The following SLC5A1 variants were observed in gnomAD, a reference collection of about 807,000 sequenced individuals.
The protein encoded by SLC5A1 is sodium/glucose cotransporter 1.
Under a neutral mutation model 73.5 loss-of-function variants are expected in SLC5A1, and 42 were observed. The ratio of observed to expected loss-of-function variants is 0.57; its 90% CI spans 0.45 to 0.74. The LOEUF is 0.74. Among genes scored for constraint, SLC5A1 ranks in the 30% least tolerant of loss-of-function variants. The pLI, the probability that SLC5A1 is intolerant of heterozygous loss-of-function variation, is 0.00. For missense variants in SLC5A1, 634 were observed against 855.4 expected, an observed-to-expected ratio of 0.74 and a Z score of 3.23; for synonymous variants, 300 against 317.4, an observed-to-expected ratio of 0.95 and a Z score of 0.58.
chr22:32,063,197 T>TG (rs936926821), intron 2 of SLC5A1, among the ~76,000 whole-genome samples: 4 of 152,278 alleles, frequency 2.6e-5, no homozygotes, highest in Admixed American at 6.5e-5. Flanking sequence ...CCTTGGGGGT[T>TG]GGGGCTTTAA....
intron 10 of SLC5A1, among the ~76,000 whole-genome samples, chr22:32,090,324 C>T (rs1007943872): frequency 2.0e-5 from 3 of 152,106 alleles, no homozygotes; most frequent in Non-Finnish European, 4.4e-5. Flanking sequence ...CCTCCCAGTC[C>T]CTGGCAACCA....
chr22:32,093,985 T>C (rs2094022356), intron 11 of SLC5A1, among the ~76,000 whole-genome samples: 1 of 132,674 alleles, frequency 7.5e-6, no homozygotes, highest in Non-Finnish European at 1.6e-5. Flanking sequence ...GGGTCTGTCA[T>C]AGATGGCTTT....
intron 13 of SLC5A1, among the ~76,000 whole-genome samples, chr22:32,104,161 C>T (rs1162438767): frequency 6.6e-6 from 1 of 152,206 alleles, no homozygotes; most frequent in Non-Finnish European, 1.5e-5. Flanking sequence ...AACTGAATCA[C>T]ATCTATTTGC....
chr22:32,098,652 T>C (rs1050693836), intron 11 of SLC5A1, among the ~76,000 whole-genome samples: 1 of 152,230 alleles, frequency 6.6e-6, no homozygotes, highest in Middle Eastern at 3.2e-3. Flanking sequence ...TAGGCATGAA[T>C]GACTTTCCTA....
At chr22:32,104,990 A>G in intron 14 of SLC5A1, 99 bp downstream of exon 14, 1 of 871,514 alleles carries the variant, frequency 1.1e-6, no homozygotes, top group Non-Finnish European at 1.9e-6. Context: ...ATCAGAGCTC[A>G]GATGTCTCCC....
intron 1 of SLC5A1, among the ~76,000 whole-genome samples, chr22:32,049,225 CTATATA>C (rs200743087): frequency 0.03 from 2,546 of 84,226 alleles, 40 homozygotes; most frequent in Non-Finnish European, 0.047. Context: ...ATATCTATAT[CTATATA>C]TATGATGATT....
chr22:32,047,797 C>T (rs1295046934), intron 1 of SLC5A1, among the ~76,000 whole-genome samples: 2 of 152,198 alleles, frequency 1.3e-5, no homozygotes, highest in Non-Finnish European at 2.9e-5. Context: ...ATGTCACCAT[C>T]AGGAGTTAAT....
chr22:32,100,225 A>G (rs1257132979), intron 12 of SLC5A1, among the ~76,000 whole-genome samples: 1 of 152,220 alleles, frequency 6.6e-6, no homozygotes. Flanking sequence ...TTTCATTAAC[A>G]GTGATCCCTT....
intron 14 of SLC5A1, 67 bp from the exon 15 acceptor site, chr22:32,109,923 C>T (rs1412960816): frequency 2.3e-4 from 282 of 1,232,262 alleles, no homozygotes; most frequent in African/African-American, 2.9e-5. Context: ...GGTGTGGCTT[C>T]TCCCCTGAAA....
chr22:32,096,889 C>T lies in SLC5A1; in HGVS notation c.1281-2294C>T, dbSNP rs530501991. Reference sequence around the variant, plus strand: ...CAAGATTGGAATGAACGAAGCAAAGCAAACATGGTAGGCCACTTTCAATTG... The same window carrying T: ...CAAGATTGGAATGAACGAAGCAAAGTAAACATGGTAGGCCACTTTCAATTG... On this transcript the variant is annotated intron_variant, in intron 11 of 14. Coordinates refer to ENST00000266088, the MANE Select transcript of SLC5A1 (RefSeq NM_000343.4). Among the ~76,000 whole-genome samples, 3 of 152,282 alleles carry T rather than the reference C, an allele frequency of 2.0e-5. No homozygotes were observed. In the South Asian group the frequency reaches 6.2e-4, roughly 32 times the overall value.
intron 11 of SLC5A1, 134 bp downstream of exon 11, chr22:32,091,896 C>T: frequency 1.3e-6 from 1 of 775,066 alleles, no homozygotes; most frequent in Non-Finnish European, 2.2e-6. Context: ...GTTATATGTG[C>T]CATTTGGTGG....
chr22:32,052,271 CA>C (rs1395076866), intron 2 of SLC5A1, among the ~76,000 whole-genome samples: 1 of 152,170 alleles, frequency 6.6e-6, no homozygotes, highest in Non-Finnish European at 1.5e-5. Flanking sequence ...TGGGGCCGAC[CA>C]GAGACCCTGA....
rs370767442 is a variant in SLC5A1, at chr22:32,096,217, G to A, written c.1281-2966G>A. 1.6e-4 allele frequency among the ~76,000 whole-genome samples: 24 copies of A among 152,272 alleles called. 1 individual carries two copies. Among genetic ancestry groups the A allele is most frequent in the East Asian group, 5.8e-4 (3 of 5,190 alleles). ...ATTTTTTTCTAGATCCTACAGTGGC[G>A]TTTAACTTTAAATTGGAGATCATTG... On this transcript the variant is annotated intron_variant, in intron 11 of 14. Coordinates refer to ENST00000266088, the MANE Select transcript of SLC5A1 (RefSeq NM_000343.4).
intron 2 of SLC5A1, among the ~76,000 whole-genome samples, chr22:32,057,793 T>C (rs1260530680): frequency 6.6e-6 from 1 of 152,212 alleles, no homozygotes; most frequent in African/African-American, 2.4e-5. Context: ...GTCAATTTTC[T>C]ATTTCCAGGC....
Position 32,067,886 on chromosome 22 carries a change from C to T in SLC5A1, c.313-81C>T, listed in dbSNP as rs537444504. The T allele has an allele frequency of 1.2e-3, 1,786 of 1,444,146 alleles. 27 individuals are homozygous for T. In the South Asian group the frequency reaches 0.014, roughly 11 times the overall value. 89.5% of individuals were successfully genotyped at this position (1,444,146 alleles called of 1,614,324 possible). A position where few individuals can be genotyped will look rare whatever the true frequency, so the allele number is the denominator to read the frequency against. ...GAGAACATGCTGGGTAATTTTTCTG[C>T]AGCAGCTGAGGGGCCCTTCAGGTGG... On this transcript the variant is annotated intron_variant, in intron 3 of 14. Coordinates refer to ENST00000266088, the MANE Select transcript of SLC5A1 (RefSeq NM_000343.4).
At chr22:32,047,825 T>C (rs1254134853) in intron 1 of SLC5A1, among the ~76,000 whole-genome samples, 2 of 152,126 alleles carry the variant, frequency 1.3e-5, no homozygotes, top group Admixed American at 1.3e-4. Context: ...GAATAGTGAT[T>C]TGGAATAGTG....
In SLC5A1 at chr22:32,043,407, C is replaced by T. The variant is rs145265137; in HGVS notation, c.126C>T (p.Val42=). Residue 42 remains valine (V), a synonymous_variant, in exon 1 of 15, where the codon GTC becomes GTT. Coordinates refer to ENST00000266088, the MANE Select transcript of SLC5A1 (RefSeq NM_000343.4). This position sits in a 1 kb window ranked among gnomAD's most constrained non-coding sequence, Gnocchi z 6.5. ...TCTACTTCGTGGTAGTGATGGCCGT[C>T]GGACTGTGGGTATGCAGCGGGTTCT... is the stretch of plus-strand genomic sequence containing the variant. ...IVIYFVVVMA[V]GLWAMFSTNR... 1.9e-5 allele frequency: 31 copies of T among 1,613,790 alleles called. No homozygotes were observed. Among genetic ancestry groups the T allele is most frequent in the Non-Finnish European group, 2.5e-5 (29 of 1,179,968 alleles).
intron 10 of SLC5A1, among the ~76,000 whole-genome samples, chr22:32,091,176 T>C (rs140155615): frequency 6.6e-6 from 1 of 152,280 alleles, no homozygotes; most frequent in East Asian, 1.9e-4. Flanking sequence ...AGTCTGTGGA[T>C]GGCTTACTTT....
rs188628231 is a variant in SLC5A1, at chr22:32,057,845, C to T, written c.207+7831C>T. Among the ~76,000 whole-genome samples the T allele has an allele frequency of 3.3e-5, 5 of 152,246 alleles. No homozygotes were observed. In the East Asian group the frequency reaches 5.8e-4, roughly 18 times the overall value. ...TAGCTAGCACTCAGTGACATTTTCA[C>T]GTCTTTTTCTACATCCCCCCAAAAA... is the stretch of plus-strand genomic sequence containing the variant. On this transcript the variant is annotated intron_variant, in intron 2 of 14. Transcript: ENST00000266088.
Sources: gnomAD v4.1 joint callset for allele counts (sites outside exome capture counted in the v4.1 genomes callset) on GRCh38, gnomAD v4.1.1 for gene constraint, Gnocchi (gnomAD v3.1) non-coding constraint, MANE v1.5 for transcripts, NCBI Gene and HGNC (gene_info 2026-07-23, HGNC 2026-07-21) for gene names.